Variants in BMERB1 observed in about 807,000 individuals in gnomAD.
BMERB1 encodes the protein bMERB domain-containing protein 1.
A neutral mutation model predicts 23.6 loss-of-function variants in BMERB1; 12 were observed. That is an observed-to-expected ratio of 0.51 (90% CI 0.33 to 0.82). The LOEUF (loss-of-function observed/expected upper bound fraction) is 0.82. Among genes scored for constraint, BMERB1 ranks in the 40% least tolerant of loss-of-function variants. BMERB1 has a pLI of 0.03. For missense variants in BMERB1, 247 were observed against 255.4 expected (o/e 0.97, Z 0.22); for synonymous variants, 122 against 96.6 (o/e 1.26, Z -1.54).
intron 1 of BMERB1, among the ~76,000 whole-genome samples, chr16:15,464,248 G>T (rs950463397): frequency 1.3e-5 from 2 of 151,304 alleles, no homozygotes; most frequent in East Asian, 3.9e-4. Context: ...AGGAGGCTGA[G>T]GTTGCAGTGA....
chr16:15,573,050 T>C (rs1411695571), intron 3 of BMERB1, among the ~76,000 whole-genome samples: 1 of 152,106 alleles, frequency 6.6e-6, no homozygotes, highest in African/African-American at 2.4e-5. Context: ...ATTACCCAGT[T>C]GCGGGTATGT....
At chr16:15,515,252 C>T (rs2051733418) in intron 1 of BMERB1, 53 bp from the exon 2 acceptor site, 1 of 1,610,066 alleles carries the variant, frequency 6.2e-7, no homozygotes, top group African/African-American at 1.3e-5. Context: ...CAGGGTCTGT[C>T]CCATGGTGCA....
intron 2 of BMERB1, among the ~76,000 whole-genome samples, chr16:15,520,814 A>G (rs2051844018): frequency 1.3e-5 from 2 of 152,118 alleles, no homozygotes; most frequent in Non-Finnish European, 2.9e-5. Flanking sequence ...ATAAATACAG[A>G]AGTTGACCTT....
chr16:15,475,320 G>C (rs1466784409), intron 1 of BMERB1, among the ~76,000 whole-genome samples: 1 of 152,156 alleles, frequency 6.6e-6, no homozygotes, highest in Non-Finnish European at 1.5e-5. Context: ...CACAAAGTCA[G>C]AGGACAGTCC....
chr16:15,515,772 T>A (rs1181807990), intron 2 of BMERB1, among the ~76,000 whole-genome samples: 2 of 152,142 alleles, frequency 1.3e-5, no homozygotes, highest in Non-Finnish European at 2.9e-5. Context: ...AGGCCTGAGT[T>A]TTTTTTAAGC....
chr16:15,581,146 A>C, intron 3 of BMERB1, 71 bp from the exon 4 acceptor site: 3 of 1,121,768 alleles, frequency 2.7e-6, no homozygotes, highest in Non-Finnish European at 3.9e-6. Context: ...GAAACTCCTG[A>C]CCTCAAGTGA....
At chr16:15,529,321 C>T (rs556962461) in intron 2 of BMERB1, among the ~76,000 whole-genome samples, 8 of 152,238 alleles carry the variant, frequency 5.3e-5, no homozygotes, top group Non-Finnish European at 8.8e-5. Context: ...CCACCGCGCC[C>T]GGCGGTGTTT....
intron 5 of BMERB1, among the ~76,000 whole-genome samples, 196 bp downstream of exon 5, chr16:15,583,434 T>TG (rs1385564962): frequency 6.6e-6 from 1 of 151,754 alleles, no homozygotes; most frequent in East Asian, 1.9e-4. Flanking sequence ...AAAAATTAGC[T>TG]GGGCACGGTG....
intron 1 of BMERB1, among the ~76,000 whole-genome samples, chr16:15,452,177 A>G (rs1189190763): frequency 6.6e-6 from 1 of 151,526 alleles, no homozygotes; most frequent in Non-Finnish European, 1.5e-5. Flanking sequence ...GCTACTTGAG[A>G]GGCTGAGGCA....
intron 2 of BMERB1, among the ~76,000 whole-genome samples, chr16:15,550,628 G>A (rs762676500): frequency 7.2e-5 from 11 of 151,920 alleles, no homozygotes; most frequent in Non-Finnish European, 1.5e-4. Context: ...ATGAGCCACC[G>A]CGCCCGGCCT....
chr16:15,450,730 C>T lies in BMERB1; in HGVS notation c.106+15971C>T, dbSNP rs146568766. Among the ~76,000 whole-genome samples, 27 of 152,242 alleles carry T rather than the reference C, an allele frequency of 1.8e-4. No individual in the cohort carries two copies. In the East Asian group the frequency reaches 4.5e-3, roughly 25 times the overall value. On this transcript the variant is annotated intron_variant, in intron 1 of 5. Transcript: ENST00000300006. ...ACAGGATTCATCTGCCTCAGCCTCC[C>T]AAAGTGCTGGGATTACAGGCATGAC...
intron 1 of BMERB1, among the ~76,000 whole-genome samples, chr16:15,496,425 G>A (rs1238205917): frequency 6.6e-6 from 1 of 152,138 alleles, no homozygotes; most frequent in East Asian, 1.9e-4. Flanking sequence ...CAGTTAACAG[G>A]TAATGAAGAC....
At chr16:15,571,555 C>T (rs147313147) in intron 3 of BMERB1, among the ~76,000 whole-genome samples, 2,113 of 152,120 alleles carry the variant, frequency 0.014, 19 homozygotes, top group Admixed American at 0.022. Flanking sequence ...GGGGTTTCAC[C>T]GTGTTAGCCA....
In BMERB1 at chr16:15,464,850, A is replaced by G. The variant is rs1248036487; in HGVS notation, c.106+30091A>G. On this transcript the variant is annotated intron_variant, in intron 1 of 5. Transcript: ENST00000300006. ...CTGTTTTATCAGTGGGGTCTTTGTG[A>G]CCTGTATCTTGTGACCTCCTGTCTC... Among the ~76,000 whole-genome samples, 4 of 151,930 alleles carry G rather than the reference A, an allele frequency of 2.6e-5. 1 individual carries two copies. The highest frequency in any genetic ancestry group is 2.6e-4 in the Admixed American group (4 of 15,238).
intron 2 of BMERB1, chr16:15,533,077 G>A (rs1050081613): frequency 3.5e-5 from 16 of 452,402 alleles, no homozygotes; most frequent in African/African-American, 2.4e-4. Context: ...TCGCAGGGTG[G>A]TCATGAGGAG....
intron 2 of BMERB1, among the ~76,000 whole-genome samples, chr16:15,521,755 C>G (rs1179478634): frequency 6.6e-6 from 1 of 152,150 alleles, no homozygotes; most frequent in African/African-American, 2.4e-5. Context: ...AGGGCAGTAA[C>G]ACAAAACTGC....
chr16:15,440,047 CCAGCTGTCCCAA>C (rs546286294), intron 1 of BMERB1, among the ~76,000 whole-genome samples: 65 of 151,806 alleles, frequency 4.3e-4, no homozygotes, highest in African/African-American at 1.5e-3. Context: ...CAGTTCGAGG[CCAGCTGTCCCAA>C]CATGGTGAAA....
intron 3 of BMERB1, among the ~76,000 whole-genome samples, chr16:15,572,686 T>C (rs974817551): frequency 5.3e-5 from 8 of 152,180 alleles, no homozygotes; most frequent in African/African-American, 1.9e-4. Flanking sequence ...TGATCTGGCA[T>C]TGTTGGCTTT....
At chr16:15,524,089 A>T (rs2051882529) in intron 2 of BMERB1, among the ~76,000 whole-genome samples, 1 of 152,216 alleles carries the variant, frequency 6.6e-6, no homozygotes, top group Non-Finnish European at 1.5e-5. Flanking sequence ...GCTTCAAGCC[A>T]AGGGCAAAAT....
Sources: gnomAD v4.1 joint callset for allele counts (sites outside exome capture counted in the v4.1 genomes callset) on GRCh38, gnomAD v4.1.1 for gene constraint, MANE v1.5 for transcripts, NCBI Gene and HGNC (gene_info 2026-07-23, HGNC 2026-07-21) for gene names.